Variants in KCNK10 observed in about 807,000 individuals in gnomAD.
The protein encoded by KCNK10 is potassium channel subfamily K member 10.
KCNK10 carries 25 observed loss-of-function variants against 47.7 expected under a neutral mutation model. The ratio of observed to expected loss-of-function variants is 0.52; its 90% CI spans 0.38 to 0.73. The LOEUF (loss-of-function observed/expected upper bound fraction) is 0.73, where lower values mean the gene tolerates loss of function less well. KCNK10 is among the 30% of genes least tolerant of loss of function. The probability of loss-of-function intolerance (pLI) is 0.00; values close to 1 mark genes in which losing one functional copy is unlikely to be tolerated. For missense variants in KCNK10, 563 were observed against 714.5 expected (o/e 0.79, Z 2.42); for synonymous variants, 303 against 285.6 (o/e 1.06, Z -0.61).
intron 1 of KCNK10, among the ~76,000 whole-genome samples, chr14:88,273,906 A>G (rs1455410755): frequency 6.6e-6 from 1 of 152,182 alleles, no homozygotes; most frequent in Non-Finnish European, 1.5e-5. Flanking sequence ...ACAAGCAGTC[A>G]TAGTTCTCAA....
At chr14:88,262,404 C>T (rs1887135477) in intron 2 of KCNK10, among the ~76,000 whole-genome samples, 1 of 152,168 alleles carries the variant, frequency 6.6e-6, no homozygotes, top group African/African-American at 2.4e-5. Flanking sequence ...TTCTCTCTGG[C>T]TTCTCAGACT....
At chr14:88,274,116 T>C (rs2139765600) in intron 1 of KCNK10, among the ~76,000 whole-genome samples, 1 of 141,028 alleles carries the variant, frequency 7.1e-6, no homozygotes, top group Non-Finnish European at 1.5e-5. Flanking sequence ...CTTGCACCTA[T>C]TAAAACTCCA....
intron 1 of KCNK10, among the ~76,000 whole-genome samples, chr14:88,301,897 T>C (rs1595129415): frequency 6.6e-6 from 1 of 152,162 alleles, no homozygotes; most frequent in South Asian, 2.1e-4. Context: ...CAGATTCATA[T>C]TTTTAAAAGA....
intron 4 of KCNK10, among the ~76,000 whole-genome samples, chr14:88,198,579 T>C (rs1367342719): frequency 1.3e-5 from 2 of 152,190 alleles, no homozygotes; most frequent in Admixed American, 1.3e-4. Context: ...CACAGTTCCC[T>C]GGCTAAGCAG....
At chr14:88,199,015 G>GT (rs1388555684) in intron 4 of KCNK10, among the ~76,000 whole-genome samples, 19 of 151,712 alleles carry the variant, frequency 1.3e-4, no homozygotes, top group African/African-American at 4.4e-4. Flanking sequence ...CGCCTCCCAG[G>GT]TTCAAGCGAT....
intron 1 of KCNK10, among the ~76,000 whole-genome samples, chr14:88,314,802 T>C (rs1254809685): frequency 6.6e-6 from 1 of 152,230 alleles, no homozygotes; most frequent in South Asian, 2.1e-4. Context: ...GATCCGGCAT[T>C]CTTCTAAGAG....
At chr14:88,215,823 G>C (rs946016362) in intron 4 of KCNK10, among the ~76,000 whole-genome samples, 2 of 152,204 alleles carry the variant, frequency 1.3e-5, no homozygotes, top group Non-Finnish European at 2.9e-5. Context: ...ACGCTATCCA[G>C]GCAGTATTTT....
chr14:88,197,608 A>AAAAAAAAAAAAAAAAAC (rs1884958810), intron 4 of KCNK10, among the ~76,000 whole-genome samples: 1 of 145,930 alleles, frequency 6.9e-6, no homozygotes, highest in Non-Finnish European at 1.5e-5. Context: ...AAAAAAAAAA[A>AAAAAAAAAAAAAAAAAC]AAAATCAACT....
In KCNK10 at chr14:88,260,884, G is replaced by A. The variant is rs1367978970; in HGVS notation, c.402+2318C>T. On this transcript the variant is annotated intron_variant, in intron 2 of 6. Coordinates refer to ENST00000319231, the MANE Select transcript of KCNK10 (RefSeq NM_138317.3). The surrounding 1 kb of genome is among the most constrained non-coding windows in gnomAD (Gnocchi z 4.5). Reference sequence around the variant, plus strand: ...TATCTCATTTCACAGAGAAATCTTTGAGGTCAAAACAGGACACCAGTCTTA... The same window carrying A: ...TATCTCATTTCACAGAGAAATCTTTAAGGTCAAAACAGGACACCAGTCTTA... 6.6e-6 allele frequency among the ~76,000 whole-genome samples: 1 copy of A among 152,142 alleles called. No individual in the cohort carries two copies. Among genetic ancestry groups the A allele is most frequent in the Non-Finnish European group, 1.5e-5 (1 of 68,028 alleles).
At chr14:88,275,693 CAAAAAAAAAA>C (rs71126972) in intron 1 of KCNK10, among the ~76,000 whole-genome samples, 21 of 71,974 alleles carry the variant, frequency 2.9e-4, no homozygotes, top group African/African-American at 9.6e-4. Context: ...GCTAAAAATA[CAAAAAAAAAA>C]AAAAAAAAAA....
At chr14:88,243,789 G>T (rs1886546237) in intron 2 of KCNK10, among the ~76,000 whole-genome samples, 1 of 151,652 alleles carries the variant, frequency 6.6e-6, no homozygotes, top group South Asian at 2.1e-4. Context: ...ACAAAAAGGG[G>T]TGTCAACTGA....
intron 4 of KCNK10, among the ~76,000 whole-genome samples, chr14:88,210,152 C>G (rs1030846906): frequency 3.3e-5 from 5 of 152,224 alleles, no homozygotes; most frequent in African/African-American, 1.2e-4. Context: ...TTATTATCCT[C>G]ATTTTTTCAA....
At chr14:88,234,818 A>T (rs1304927309) in intron 3 of KCNK10, among the ~76,000 whole-genome samples, 1 of 152,246 alleles carries the variant, frequency 6.6e-6, no homozygotes, top group Non-Finnish European at 1.5e-5. Flanking sequence ...GAGCTGGAAG[A>T]AGGATATAAT....
At chr14:88,198,219 C>A (rs997247408) in intron 4 of KCNK10, among the ~76,000 whole-genome samples, 2 of 152,204 alleles carry the variant, frequency 1.3e-5, no homozygotes, top group Non-Finnish European at 2.9e-5. Flanking sequence ...AGCGATCACA[C>A]CACATGTAGA....
At chr14:88,321,879 T>C (rs1483106507) in intron 1 of KCNK10, among the ~76,000 whole-genome samples, 2 of 152,224 alleles carry the variant, frequency 1.3e-5, no homozygotes, top group Non-Finnish European at 2.9e-5. Context: ...AAGAGCATTC[T>C]TGTCACAACT....
At chr14:88,318,768 G>A (rs754787421) in intron 1 of KCNK10, among the ~76,000 whole-genome samples, 14 of 152,284 alleles carry the variant, frequency 9.2e-5, no homozygotes, top group Non-Finnish European at 1.9e-4. Context: ...CTTTCTCCAT[G>A]GAAGGGAAGC....
chr14:88,251,717 G>T (rs369836221), intron 2 of KCNK10, among the ~76,000 whole-genome samples: 10 of 152,236 alleles, frequency 6.6e-5, no homozygotes, highest in Non-Finnish European at 1.2e-4. Flanking sequence ...AAGCTTCACA[G>T]TGCTCTTAAG....
intron 1 of KCNK10, among the ~76,000 whole-genome samples, chr14:88,299,500 T>G (rs941081412): frequency 2.0e-5 from 3 of 152,244 alleles, no homozygotes; most frequent in Non-Finnish European, 2.9e-5. Context: ...CTGGCTCCTA[T>G]TTATTCAGTT....
chr14:88,315,402 T>C (rs980752943), intron 1 of KCNK10, among the ~76,000 whole-genome samples: 3 of 152,212 alleles, frequency 2.0e-5, no homozygotes, highest in Non-Finnish European at 2.9e-5. Context: ...CATCAATTTT[T>C]CTTAAACACT....
Sources: allele counts gnomAD v4.1 joint callset (sites outside exome capture counted in the v4.1 genomes callset), GRCh38; gene constraint gnomAD v4.1.1; non-coding constraint Gnocchi (gnomAD v3.1); transcripts MANE v1.5; gene names NCBI Gene and HGNC (gene_info 2026-07-23, HGNC 2026-07-21).